NOTCH1: variants seen among roughly 807,000 people sequenced by gnomAD.
NOTCH1 encodes notch receptor 1.
A neutral mutation model predicts 254.8 loss-of-function variants in NOTCH1; 37 were observed. That is an observed-to-expected ratio of 0.15 (90% CI 0.11 to 0.19). The LOEUF is 0.19. Among genes scored for constraint, NOTCH1 ranks in the 10% least tolerant of loss-of-function variants. The pLI is 1.00. For missense variants in NOTCH1, 2,972 were observed against 3,708.6 expected (o/e 0.80, Z 5.16); for synonymous variants, 1,731 against 1,618.1 (o/e 1.07, Z -1.68).
Position 136,519,432 on chromosome 9 carries a change from C to G in NOTCH1, c.865+11G>C, listed in dbSNP as rs919195332. 20 of 1,612,698 alleles carry G rather than the reference C, an allele frequency of 1.2e-5. No individual in the cohort carries two copies. The highest frequency in any genetic ancestry group is 1.7e-5 in the Non-Finnish European group (20 of 1,179,910). On this transcript the variant is annotated intron_variant, in intron 5 of 33. Coordinates refer to ENST00000651671, the MANE Select transcript of NOTCH1 (RefSeq NM_017617.5). ...CCGGCTACCCCGCCCTGCGGCGACC[C>G]GTATACGCGCCTGTCCACTCTGGCG...
At chr9:136,537,428 A>T (rs1207987594) in intron 2 of NOTCH1, among the ~76,000 whole-genome samples, 1 of 152,210 alleles carries the variant, frequency 6.6e-6, no homozygotes, top group African/African-American at 2.4e-5. Flanking sequence ...AGAGGCAGAA[A>T]GCGGGTTAGT....
At position 136,508,048 on chromosome 9, in the gene NOTCH1, G is replaced by A. The variant is rs753526994; in HGVS notation, c.3417C>T (p.Gly1139=). The change falls in exon 21 of 34, where the codon GGC becomes GGT. Residue 1139 remains glycine, a synonymous_variant. Transcript: ENST00000651671. ...HHCRCQAGYT[G]SYCEDLVDEC... ...CGTCCACCAGGTCCTCACAGTAGCT[G>A]CCTGTGTAGCCCGCCTGGCAGCGGC... 13 of 1,611,768 alleles carry A rather than the reference G, an allele frequency of 8.1e-6. No individual in the cohort carries two copies. Among genetic ancestry groups the A allele is most frequent in the South Asian group, 5.5e-5 (5 of 91,090 alleles).
chr9:136,498,880 A>G lies in NOTCH1; in HGVS notation c.6180+19T>C. On this transcript the variant is annotated intron_variant, in intron 33 of 33. Transcript: ENST00000651671. ...ATTCAGCCCTCACGTCTCCCCTGGCATCCCAGCCTCGCGCTCACCCTGTTG... is the reference window on the plus strand; with the variant it reads ...ATTCAGCCCTCACGTCTCCCCTGGCGTCCCAGCCTCGCGCTCACCCTGTTG... 1 of 1,612,904 alleles carries G rather than the reference A, an allele frequency of 6.2e-7. No individual in the cohort carries two copies.
rs1843050279 is a variant in NOTCH1 at position 136,504,734 on chromosome 9, G to A, written c.4957C>T (p.Leu1653Phe). The change falls in exon 26 of 34, where the codon CTC becomes TTC. Residue 1653 changes from leucine (L) to phenylalanine (F), a missense_variant. This residue lies in a region of NOTCH1 where 1,343 missense variants were observed against 1,557.0 expected (regional missense o/e 0.86). Coordinates refer to ENST00000651671, the MANE Select transcript of NOTCH1 (RefSeq NM_017617.5). ...ALLGQVKASL[L>F]PGGSEGGRRR... ...CGCCCACCCTCGCTGCCACCAGGGA[G>A]CAGCGAGGCCTTCACCTGGCCCAGC... is the stretch of plus-strand genomic sequence containing the variant. The A allele has an allele frequency of 6.5e-7, 1 of 1,544,196 alleles. No homozygotes were observed. Among genetic ancestry groups the A allele is most frequent in the Non-Finnish European group, 8.7e-7 (1 of 1,143,672 alleles).
chr9:136,511,856 C>T (rs1212870209), intron 15 of NOTCH1, among the ~76,000 whole-genome samples: 1 of 152,206 alleles, frequency 6.6e-6, no homozygotes, highest in Non-Finnish European at 1.5e-5. Flanking sequence ...TCCAGGGCCA[C>T]GCAGGGTGTC....
intron 1 of NOTCH1, 104 bp from the exon 2 acceptor site, chr9:136,544,206 G>A (rs1436144941): frequency 5.7e-6 from 6 of 1,061,478 alleles, no homozygotes; most frequent in Admixed American, 4.0e-5. Context: ...AAGGGGCATC[G>A]TCCGCCCCCT....
At chr9:136,527,996 G>A (rs1164637855) in intron 2 of NOTCH1, among the ~76,000 whole-genome samples, 3 of 152,108 alleles carry the variant, frequency 2.0e-5, no homozygotes, top group South Asian at 2.1e-4. Context: ...GCAGCAGGAG[G>A]CAGATGCTGC....
At position 136,500,625 on chromosome 9, in the gene NOTCH1, G is replaced by T. The variant is rs2133325784; in HGVS notation, c.5861C>A (p.Ala1954Asp). 6.2e-7 allele frequency: 1 copy of T among 1,612,080 alleles called. No individual in the cohort carries two copies. Among genetic ancestry groups the T allele is most frequent in the Non-Finnish European group, 8.5e-7 (1 of 1,179,888 alleles). The change falls in exon 31 of 34, where the codon GCC becomes GAC. Residue 1954 changes from alanine (A) to aspartate (D), a missense_variant. Around this residue, in one of 8 missense-constraint regions of NOTCH1, gnomAD observed 421 missense variants for 604.4 expected, o/e 0.70. Transcript: ENST00000651671. ...GCGGCCCATGTTGTCCTGGATGTTGGCATCTGCGCTGGCCTCCAGCAGGCG... is the reference window on the plus strand; with the variant it reads ...GCGGCCCATGTTGTCCTGGATGTTGTCATCTGCGCTGGCCTCCAGCAGGCG... ...AKRLLEASAD[A>D]NIQDNMGRTP...
At chr9:136,528,417 C>CGGGGGGGATGGGCAGGGACGGTGA (rs1564206646) in intron 2 of NOTCH1, among the ~76,000 whole-genome samples, 1 of 2,904 alleles carries the variant, frequency 3.4e-4, no homozygotes, top group Non-Finnish European at 6.6e-4. Flanking sequence ...AGGGACAGTG[C>CGGGGGGGATGGGCAGGGACGGTGA]GGGGGGGATG....
chr9:136,513,272 T>C lies in NOTCH1; in HGVS notation c.2353+120A>G. On this transcript the variant is annotated intron_variant, in intron 14 of 33. Transcript: ENST00000651671. The surrounding 1 kb of genome is among the most constrained non-coding windows in gnomAD (Gnocchi z 4.7). ...AGAGCCAGAGGCCTGGAGCTAAGGC[T>C]TTGCCACGGGAGGGAGACACCATGC... The C allele has an allele frequency of 6.5e-7, 1 of 1,532,398 alleles. No homozygotes were observed. Among genetic ancestry groups the C allele is most frequent in the Non-Finnish European group, 9.0e-7 (1 of 1,115,324 alleles). The allele number at this position is 1,532,398 out of a possible 1,614,324, so 94.9% of individuals were successfully genotyped here.
intron 15 of NOTCH1, 59 bp from the exon 16 acceptor site, chr9:136,511,330 G>A (rs1013982260): frequency 7.1e-6 from 11 of 1,550,160 alleles, no homozygotes; most frequent in Non-Finnish European, 8.7e-6. Flanking sequence ...CTCCCAAATC[G>A]GCCACCGCCT....
chr9:136,525,685 C>T (rs1249284230), intron 2 of NOTCH1, among the ~76,000 whole-genome samples: 7 of 152,356 alleles, frequency 4.6e-5, no homozygotes, highest in South Asian at 2.1e-4. Context: ...CCTCCTCTCC[C>T]GCTTATTCCC....
In NOTCH1 at chr9:136,515,723, C is replaced by A. The variant is rs1242028632; in HGVS notation, c.1670-7G>T. The A allele has an allele frequency of 3.3e-6, 5 of 1,534,982 alleles. No homozygotes were observed. Among genetic ancestry groups the A allele is most frequent in the Non-Finnish European group, 4.4e-6 (5 of 1,146,176 alleles). On this transcript the variant is annotated splice_region_variant and splice_polypyrimidine_tract_variant and intron_variant, in intron 10 of 33. Coordinates refer to ENST00000651671, the MANE Select transcript of NOTCH1 (RefSeq NM_017617.5). Reference sequence around the variant, plus strand: ...CAGTGCGTCCCCGTGTACCCTGGACCGTGGGAGGGGCGGGCACAGGAAGAC... The same window carrying A: ...CAGTGCGTCCCCGTGTACCCTGGACAGTGGGAGGGGCGGGCACAGGAAGAC...
Position 136,495,538 on chromosome 9 carries a change from C to T in NOTCH1, c.*533G>A. 1 of 399,566 alleles carries T rather than the reference C, an allele frequency of 2.5e-6. No individual in the cohort carries two copies. The allele number at this position is 399,566 out of a possible 1,614,324, so 24.8% of individuals were successfully genotyped here. A position where few individuals can be genotyped will look rare whatever the true frequency, so the allele number is the denominator to read the frequency against. ...GAGCCAGCTTTGCCTCCGTTTGCCT[C>T]TGGATGCAGCTTCTCCTAACAGGCA... On this transcript the variant is annotated 3_prime_UTR_variant, in exon 34 of 34. Transcript: ENST00000651671.
At position 136,496,969 on chromosome 9, in the gene NOTCH1, G is replaced by T; in HGVS notation, c.6770C>A (p.Ala2257Glu). ...LNVAAKPEMA[A>E]LGGGGRLAFE... ...GGCCAGCCGGCCGCCCCCACCCAGC[G>T]CCGCCATCTCGGGCTTGGCCGCCAC... is the stretch of plus-strand genomic sequence containing the variant. The change falls in exon 34 of 34, where the codon GCG becomes GAG. Residue 2257 changes from alanine (A) to glutamate (E), a missense_variant. By Grantham distance (107) the Ala-to-Glu change is moderately radical (BLOSUM62 -1). This residue lies in a region of NOTCH1 where 529 missense variants were observed against 529.2 expected (regional missense o/e 1.00). Coordinates refer to ENST00000651671, the MANE Select transcript of NOTCH1 (RefSeq NM_017617.5). 6.2e-7 allele frequency: 1 copy of T among 1,610,694 alleles called. No homozygotes were observed. The highest frequency in any genetic ancestry group is 1.3e-5 in the African/African-American group (1 of 75,020).
intron 26 of NOTCH1, 113 bp downstream of exon 26, chr9:136,504,560 T>G: frequency 1.7e-6 from 2 of 1,156,682 alleles, no homozygotes; most frequent in Non-Finnish European, 2.4e-6. Context: ...TCTTTTACCA[T>G]AAAGTGGGGA....
At chr9:136,538,770 G>A (rs773165230) in intron 2 of NOTCH1, among the ~76,000 whole-genome samples, 1 of 152,238 alleles carries the variant, frequency 6.6e-6, no homozygotes, top group African/African-American at 2.4e-5. Flanking sequence ...CCTGGAGGGT[G>A]GGCGGCCGTC....
Position 136,515,410 on chromosome 9 carries a change from T to C in NOTCH1, c.1904-10A>G, listed in dbSNP as rs200896186. On this transcript the variant is annotated splice_polypyrimidine_tract_variant and intron_variant, in intron 11 of 33. Coordinates refer to ENST00000651671, the MANE Select transcript of NOTCH1 (RefSeq NM_017617.5). ...ATCTCGCAGTTGGGTCCTGAAGGGG[T>C]GGCACGTGTCGGTCAGTCCTCAGGC... 30 of 1,612,672 alleles carry C rather than the reference T, an allele frequency of 1.9e-5. No individual in the cohort carries two copies. In the East Asian group the frequency reaches 6.0e-4, roughly 32 times the overall value.
chr9:136,544,466 G>A (rs1214799624), intron 1 of NOTCH1, among the ~76,000 whole-genome samples: 2 of 152,122 alleles, frequency 1.3e-5, no homozygotes, highest in Non-Finnish European at 2.9e-5. Flanking sequence ...CCACCCTGGA[G>A]GCTCACTGAG....
Sources: gnomAD v4.1 joint callset for allele counts (sites outside exome capture counted in the v4.1 genomes callset) on GRCh38, gnomAD v4.1.1 for gene constraint, gnomAD v4.1.1 regional missense constraint, Gnocchi (gnomAD v3.1) non-coding constraint, MANE v1.5 for transcripts, NCBI Gene and HGNC (gene_info 2026-07-23, HGNC 2026-07-21) for gene names.